Variants in UBA3 observed in about 807,000 individuals in gnomAD.
UBA3 encodes ubiquitin like modifier activating enzyme 3.
Under a neutral mutation model 73.5 loss-of-function variants are expected in UBA3, and 26 were observed. That is an observed-to-expected ratio of 0.35 (90% CI 0.26 to 0.49). The LOEUF (loss-of-function observed/expected upper bound fraction) is 0.49, where lower values mean the gene tolerates loss of function less well. Among genes scored for constraint, UBA3 ranks in the 20% least tolerant of loss-of-function variants. UBA3 has a pLI of 0.98. For synonymous variants in UBA3, 217 were observed against 191.2 expected (o/e 1.13, Z -1.11); for missense variants, 495 against 555.6 (o/e 0.89, Z 1.10).
At chr3:69,078,215 T>C (rs987690822) in intron 2 of UBA3, among the ~76,000 whole-genome samples, 12 of 152,238 alleles carry the variant, frequency 7.9e-5, no homozygotes, top group Non-Finnish European at 1.3e-4. Context: ...TATTGGTCTA[T>C]TATGTGAGAA....
chr3:69,066,702 G>A (rs896591350), intron 6 of UBA3, among the ~76,000 whole-genome samples: 14 of 152,216 alleles, frequency 9.2e-5, no homozygotes, highest in African/African-American at 3.4e-4. Flanking sequence ...AAAGTGCTGG[G>A]ATTACAGGCA....
intron 9 of UBA3, 140 bp from the exon 10 acceptor site, chr3:69,062,319 A>C (rs527777646): frequency 4.1e-5 from 26 of 639,762 alleles, no homozygotes; most frequent in Non-Finnish European, 6.4e-5. Context: ...AATGCCTCTC[A>C]AACTATAATA....
rs758523739 is a variant in UBA3 at position 69,077,857 on chromosome 3, T to C, written c.124A>G (p.Lys42Glu). 5 of 1,614,038 alleles carry C rather than the reference T, an allele frequency of 3.1e-6. No individual in the cohort carries two copies. The highest frequency in any genetic ancestry group is 2.7e-5 in the African/African-American group (2 of 74,912). The change falls in exon 3 of 18, where the codon AAG becomes GAG. Residue 42 changes from lysine to glutamate, a missense_variant. By Grantham distance (56) the Lys-to-Glu change is moderately conservative. Coordinates refer to ENST00000361055, the MANE Select transcript of UBA3 (RefSeq NM_003968.4). The stretch of plus-strand genomic sequence containing the variant: ...GGTCCAGATCGCTCGAGGAACTTCT[T>C]TACATGGTTCCAGCGACCTTCCCAG... ...GDWEGRWNHV[K>E]KFLERSGPFT...
At chr3:69,059,782 T>G (rs972100598) in intron 11 of UBA3, among the ~76,000 whole-genome samples, 1 of 152,062 alleles carries the variant, frequency 6.6e-6, no homozygotes, top group African/African-American at 2.4e-5. Context: ...CTCATTCTGG[T>G]GAACCTGGTA....
At chr3:69,056,148 A>T (rs1166623907) in intron 15 of UBA3, 35 bp downstream of exon 15, 2 of 1,563,206 alleles carry the variant, frequency 1.3e-6, no homozygotes, top group South Asian at 2.4e-5. Context: ...CACAAAAATG[A>T]TTTTTACAAC....
chr3:69,075,778 G>A lies in UBA3; in HGVS notation c.184-268C>T, dbSNP rs563895194. 3.5e-3 allele frequency among the ~76,000 whole-genome samples: 536 copies of A among 152,008 alleles called. 3 individuals carry two copies. The highest frequency in any genetic ancestry group is 0.012 in the African/African-American group (517 of 41,412). On this transcript the variant is annotated intron_variant, in intron 3 of 17. Transcript: ENST00000361055. ...ACGGAGTCTCGCTCTTGTCACACAG[G>A]CTGGAGTGACTGATGGGATCTCGGC...
At chr3:69,071,833 C>T (rs2092124555) in intron 4 of UBA3, among the ~76,000 whole-genome samples, 1 of 152,086 alleles carries the variant, frequency 6.6e-6, no homozygotes, top group South Asian at 2.1e-4. Context: ...AATCTATAAC[C>T]AAAAGAGAAC....
intron 7 of UBA3, 36 bp downstream of exon 7, chr3:69,064,032 A>T: frequency 6.4e-7 from 1 of 1,561,088 alleles, no homozygotes; most frequent in Non-Finnish European, 8.7e-7. Flanking sequence ...AAATTCTAAG[A>T]ATCTAGTGAG....
At chr3:69,079,401 G>C (rs941035943) in intron 2 of UBA3, among the ~76,000 whole-genome samples, 1 of 152,172 alleles carries the variant, frequency 6.6e-6, no homozygotes, top group Non-Finnish European at 1.5e-5. Context: ...ACTGGGAATC[G>C]GCACGGAAAT....
chr3:69,056,191 A>G lies in UBA3; in HGVS notation c.1176T>C (p.Ser392=). 17 of 1,584,196 alleles carry G rather than the reference A, an allele frequency of 1.1e-5. No homozygotes were observed. The highest frequency in any genetic ancestry group is 1.5e-5 in the Non-Finnish European group (17 of 1,171,076). ...LQEVLDYLTN[S]ASLQMKSPAI... ...AAATCTACAATACTTACAGAGAAGC[A>G]CTATTGGTTAGATAATCCAAAACCT... is the stretch of plus-strand genomic sequence containing the variant. The change falls in exon 15 of 18, where the codon AGT becomes AGC. Residue 392 remains serine, a synonymous_variant. Coordinates refer to ENST00000361055, the MANE Select transcript of UBA3 (RefSeq NM_003968.4).
intron 3 of UBA3, among the ~76,000 whole-genome samples, chr3:69,075,974 G>A (rs972194967): frequency 9.2e-5 from 14 of 152,092 alleles, no homozygotes; most frequent in African/African-American, 3.1e-4. Flanking sequence ...CAAGTGATCC[G>A]CCCGCCTCAG....
intron 6 of UBA3, 67 bp downstream of exon 6, chr3:69,067,861 A>G: frequency 1.6e-6 from 2 of 1,233,282 alleles, no homozygotes; most frequent in Admixed American, 1.9e-5. Context: ...TCTCTGTTAA[A>G]TATCTCTTAT....
chr3:69,080,320 G>C lies in UBA3; in HGVS notation c.20+14C>G. On this transcript the variant is annotated intron_variant, in intron 1 of 17. Coordinates refer to ENST00000361055, the MANE Select transcript of UBA3 (RefSeq NM_003968.4). Reference sequence around the variant, plus strand: ...CAGCCCAGCCCGGCGCGTCTGCAGAGCCCCGGTACTTACGGCTCCTCGCCA... The same window carrying C: ...CAGCCCAGCCCGGCGCGTCTGCAGACCCCCGGTACTTACGGCTCCTCGCCA... 6.2e-7 allele frequency: 1 copy of C among 1,604,200 alleles called. No individual in the cohort carries two copies. The highest frequency in any genetic ancestry group is 8.5e-7 in the Non-Finnish European group (1 of 1,177,240).
chr3:69,072,979 A>G (rs58950441), intron 4 of UBA3, among the ~76,000 whole-genome samples: 35,164 of 152,048 alleles, frequency 0.23, 4,164 homozygotes, highest in East Asian at 0.38. Flanking sequence ...CTGTCACCAC[A>G]TCCAATGCTA....
intron 8 of UBA3, 54 bp downstream of exon 8, chr3:69,063,385 G>A (rs898568644): frequency 6.6e-7 from 1 of 1,522,688 alleles, no homozygotes; most frequent in African/African-American, 1.4e-5. Flanking sequence ...TTTTGGGGAT[G>A]TGAAGCACAG....
chr3:69,063,620 G>A, intron 7 of UBA3, 117 bp from the exon 8 acceptor site: 2 of 851,500 alleles, frequency 2.3e-6, no homozygotes, highest in Non-Finnish European at 3.5e-6. Context: ...TGTTGATTAG[G>A]AAGGTAGTGT....
intron 6 of UBA3, among the ~76,000 whole-genome samples, 187 bp downstream of exon 6, chr3:69,067,741 A>G (rs138145351): frequency 6.6e-6 from 1 of 152,324 alleles, no homozygotes; most frequent in Non-Finnish European, 1.5e-5. Flanking sequence ...AAAAATATTT[A>G]TATAACCATA....
At chr3:69,064,040 G>T in intron 7 of UBA3, 28 bp downstream of exon 7, 1 of 1,577,796 alleles carries the variant, frequency 6.3e-7, no homozygotes, top group Non-Finnish European at 8.6e-7. Flanking sequence ...AGAATCTAGT[G>T]AGCATTAATT....
intron 3 of UBA3, among the ~76,000 whole-genome samples, chr3:69,076,183 A>G (rs750228212): frequency 2.6e-4 from 40 of 152,226 alleles, no homozygotes; most frequent in Non-Finnish European, 5.0e-4. Flanking sequence ...AAGTTTAAAA[A>G]TTTAAAAAAC....
Sources: allele counts gnomAD v4.1 joint callset (sites outside exome capture counted in the v4.1 genomes callset), GRCh38; gene constraint gnomAD v4.1.1; transcripts MANE v1.5; gene names NCBI Gene and HGNC (gene_info 2026-07-23, HGNC 2026-07-21).